Variants in CLCN4 observed in about 807,000 individuals in gnomAD.
CLCN4 encodes Cl-/H+ antiporter 4.
A neutral mutation model predicts 41.7 loss-of-function variants in CLCN4; 1 was observed. The ratio of observed to expected loss-of-function variants is 0.02; its 90% CI spans 0.01 to 0.11. The LOEUF (loss-of-function observed/expected upper bound fraction) is 0.11, where lower values mean the gene tolerates loss of function less well. Ranked by LOEUF, CLCN4 falls within the 10% of genes least tolerant of loss-of-function variation. The pLI, the probability that CLCN4 is intolerant of heterozygous loss-of-function variation, is 1.00. For synonymous variants in CLCN4, 277 were observed against 285.8 expected (o/e 0.97, Z 0.31); for missense variants, 287 against 661.0 (o/e 0.43, Z 6.20).
intron 2 of CLCN4, among the ~76,000 whole-genome samples, chrX:10,176,790 G>A (rs1253499312): frequency 2.7e-5 from 3 of 112,571 alleles, no homozygotes; most frequent in Non-Finnish European, 5.6e-5. Flanking sequence ...TTTGGGAGGG[G>A]AATACTGGCA....
intron 4 of CLCN4, among the ~76,000 whole-genome samples, chrX:10,191,608 C>T (rs1434743748): frequency 3.7e-5 from 4 of 108,838 alleles, no homozygotes; most frequent in Non-Finnish European, 5.7e-5. Flanking sequence ...GATCATGGTT[C>T]GTTACAGACT....
At chrX:10,213,011 A>G (rs1213328654) in intron 10 of CLCN4, among the ~76,000 whole-genome samples, 3 of 111,237 alleles carry the variant, frequency 2.7e-5, no homozygotes, top group Non-Finnish European at 5.6e-5. Flanking sequence ...GAACACTTAC[A>G]TTTGCCTACA....
intron 12 of CLCN4, among the ~76,000 whole-genome samples, chrX:10,223,830 T>C (rs764252023): frequency 2.7e-5 from 3 of 111,912 alleles, no homozygotes; most frequent in Non-Finnish European, 3.8e-5. Context: ...TGCTAGGTGG[T>C]CCACAGGGGC....
intron 3 of CLCN4, among the ~76,000 whole-genome samples, chrX:10,186,519 G>A (rs747263485): frequency 9.0e-6 from 1 of 111,570 alleles, no homozygotes; most frequent in Non-Finnish European, 1.9e-5. Flanking sequence ...GCGAGCCAGC[G>A]GCATGGGGGC....
chrX:10,195,557 A>G (rs901672020), intron 5 of CLCN4, among the ~76,000 whole-genome samples: 1 of 111,966 alleles, frequency 8.9e-6, no homozygotes, highest in Non-Finnish European at 1.9e-5. Context: ...TGCTTGTAGT[A>G]TATTCAGTTT....
At chrX:10,161,734 G>T (rs999941920) in intron 2 of CLCN4, among the ~76,000 whole-genome samples, 14 of 111,683 alleles carry the variant, frequency 1.3e-4, no homozygotes, top group African/African-American at 4.2e-4. Flanking sequence ...CTGGGGTTTG[G>T]TCTGGACCAA....
chrX:10,157,050 C>T lies in CLCN4; in HGVS notation c.-325C>T. 1 of 298,002 alleles carries T rather than the reference C, an allele frequency of 3.4e-6. No homozygotes were observed. The highest frequency in any genetic ancestry group is 5.9e-6 in the Non-Finnish European group (1 of 170,373). The allele number at this position is 298,002 out of a possible 1,213,427, so 24.6% of individuals were successfully genotyped here. ...CCATTAGACCCTCAACCCAAAGGAG[C>T]AGGAGATTTCGGTAGCGTTTTAACT... On this transcript the variant is annotated 5_prime_UTR_variant, in exon 1 of 13. Transcript: ENST00000380833.
chrX:10,207,373 G>A (rs1395615524), intron 8 of CLCN4, among the ~76,000 whole-genome samples: 3 of 112,265 alleles, frequency 2.7e-5, no homozygotes, highest in Non-Finnish European at 3.8e-5. Flanking sequence ...GTTGGCAAAC[G>A]TTTCTGTAAA....
chrX:10,186,380 T>A (rs1408169644), intron 3 of CLCN4, among the ~76,000 whole-genome samples: 1 of 110,891 alleles, frequency 9.0e-6, no homozygotes, highest in Non-Finnish European at 1.9e-5. Flanking sequence ...AGTTACCAGG[T>A]CCAGGGGAGG....
At chrX:10,193,631 T>C (rs1393624441) in intron 4 of CLCN4, among the ~76,000 whole-genome samples, 1 of 112,187 alleles carries the variant, frequency 8.9e-6, no homozygotes, top group African/African-American at 3.2e-5. Flanking sequence ...AAACTTTTTC[T>C]GCAAGAGGCC....
rs749331518 is a variant in CLCN4, at chrX:10,225,154, T to TG, written c.2192+4281dup. On this transcript the variant is annotated intron_variant, in intron 12 of 12. Transcript: ENST00000380833. ...AATGGTATTTCTGGTTCTAGGTCTT[T>TG]GGGGAATCGCCACACTGTCCTCCAT... Among the ~76,000 whole-genome samples, 5 of 112,029 alleles carry TG rather than the reference T, an allele frequency of 4.5e-5. No homozygotes were observed. The Admixed American group carries it at 4.7e-4, about 11-fold the overall frequency.
At chrX:10,209,193 G>A (rs1330542074) in intron 9 of CLCN4, among the ~76,000 whole-genome samples, 1 of 110,434 alleles carries the variant, frequency 9.1e-6, no homozygotes, top group African/African-American at 3.3e-5. Flanking sequence ...GTAGGGCTGG[G>A]CATGACAGGG....
Position 10,197,963 on chromosome X carries a change from T to A in CLCN4, c.457T>A (p.Tyr153Asn), listed in dbSNP as rs757708079. ...SEGASAYILN[Y>N]LMYILWALLF... ...GGGTGCCAGTGCTTACATTCTGAAT[T>A]ACTTAATGTACATCCTATGGGCGCT... Residue 153 changes from tyrosine to asparagine, a missense_variant, in exon 6 of 13, where the codon TAC (tyrosine) becomes AAC (asparagine). By Grantham distance (143) the Tyr-to-Asn change is moderately radical (BLOSUM62 -2). Transcript: ENST00000380833. 8.3e-7 allele frequency: 1 copy of A among 1,210,394 alleles called. No homozygotes were observed. Among genetic ancestry groups the A allele is most frequent in the East Asian group, 3.0e-5 (1 of 33,799 alleles).
rs746969002 is a variant in CLCN4, at chrX:10,180,337, A to C, written c.-11-4685A>C. Among the ~76,000 whole-genome samples the C allele has an allele frequency of 1.1e-4, 12 of 111,549 alleles. No homozygotes were observed. The South Asian group carries it at 4.5e-3, about 42-fold the overall frequency. On this transcript the variant is annotated intron_variant, in intron 2 of 12. Transcript: ENST00000380833. ...CCTTGAACCTGGGTGGGATTTTGTG[A>C]CTGCCTCAATGAACAGCAAGTGGCA...
chrX:10,223,840 C>T (rs1007631199), intron 12 of CLCN4, among the ~76,000 whole-genome samples: 3 of 111,902 alleles, frequency 2.7e-5, no homozygotes, highest in African/African-American at 9.7e-5. Context: ...TCCACAGGGG[C>T]CTGGACAGGA....
At chrX:10,182,516 C>G (rs1353384661) in intron 2 of CLCN4, among the ~76,000 whole-genome samples, 1 of 112,659 alleles carries the variant, frequency 8.9e-6, no homozygotes, top group Non-Finnish European at 1.9e-5. Context: ...ACTTCCACCT[C>G]CCAGGTTCAA....
At chrX:10,190,406 T>A (rs1404679652) in intron 4 of CLCN4, among the ~76,000 whole-genome samples, 1 of 111,672 alleles carries the variant, frequency 9.0e-6, no homozygotes, top group Non-Finnish European at 1.9e-5. Flanking sequence ...GTGTCAGTTT[T>A]AAAAAGTTAA....
At chrX:10,224,293 C>CGTGT (rs772983564) in intron 12 of CLCN4, among the ~76,000 whole-genome samples, 4,905 of 87,800 alleles carry the variant, frequency 0.056, 141 homozygotes, top group Middle Eastern at 0.1. Flanking sequence ...GGGAGGGTTC[C>CGTGT]GTGTGTGTGT....
intron 6 of CLCN4, among the ~76,000 whole-genome samples, chrX:10,203,907 GAT>G (rs916729458): frequency 5.4e-5 from 6 of 111,723 alleles, no homozygotes; most frequent in Admixed American, 3.8e-4. Flanking sequence ...ACTGACAAGA[GAT>G]AACCTTGTCC....
Sources: gnomAD v4.1 joint callset for allele counts (sites outside exome capture counted in the v4.1 genomes callset) on GRCh38, gnomAD v4.1.1 for gene constraint, MANE v1.5 for transcripts, NCBI Gene and HGNC (gene_info 2026-07-23, HGNC 2026-07-21) for gene names.